EDEM2: variants seen among roughly 807,000 people sequenced by gnomAD.
EDEM2 encodes the protein ER degradation-enhancing alpha-mannosidase-like protein 2.
Under a neutral mutation model 64.8 loss-of-function variants are expected in EDEM2, and 39 were observed. The observed-to-expected ratio is 0.60, with a 90% confidence interval of 0.47 to 0.79. The LOEUF (loss-of-function observed/expected upper bound fraction) is 0.79. Among genes scored for constraint, EDEM2 ranks in the 30% least tolerant of loss-of-function variants. The probability of loss-of-function intolerance (pLI) is 0.00; values close to 1 mark genes in which losing one functional copy is unlikely to be tolerated. For missense variants in EDEM2, 609 were observed against 731.3 expected (o/e 0.83, Z 1.93); for synonymous variants, 296 against 291.5 (o/e 1.02, Z -0.16).
In EDEM2 at chr20:35,115,756, T is replaced by A; in HGVS notation, c.1414A>T (p.Ile472Phe). ...ATGGGGTGAGCTTCTGTGTTGAAGA[T>A]GTACCCCCCAGCCCCCAGGATGCAC... Reference protein sequence around the residue: ...GECILGAGGYIFNTEAHPIDP... With the variant: ...GECILGAGGYFFNTEAHPIDP... Residue 472 changes from isoleucine to phenylalanine, a missense_variant, in exon 11 of 11, where the codon ATC (isoleucine) becomes TTC (phenylalanine). Coordinates refer to ENST00000374492, the MANE Select transcript of EDEM2 (RefSeq NM_018217.3). 12 of 1,614,202 alleles carry A rather than the reference T, an allele frequency of 7.4e-6. No individual in the cohort carries two copies. The highest frequency in any genetic ancestry group is 9.3e-6 in the Non-Finnish European group (11 of 1,180,038).
chr20:35,120,136 TC>T (rs1219644696), intron 9 of EDEM2, among the ~76,000 whole-genome samples: 1 of 152,200 alleles, frequency 6.6e-6, no homozygotes. Flanking sequence ...CGATCTCCGC[TC>T]ACTGCAACTC....
intron 4 of EDEM2, among the ~76,000 whole-genome samples, chr20:35,139,549 C>G: frequency 6.6e-6 from 1 of 150,680 alleles, no homozygotes; most frequent in South Asian, 2.1e-4. Context: ...ACTCGGGAGG[C>G]TGAGGCAGGA....
At position 35,140,186 on chromosome 20, in the gene EDEM2, C is replaced by A. The variant is rs571691387; in HGVS notation, c.365-2181G>T. Among the ~76,000 whole-genome samples, 30 of 152,190 alleles carry A rather than the reference C, an allele frequency of 2.0e-4. 1 individual carries two copies. In the South Asian group the frequency reaches 4.1e-3, roughly 21 times the overall value. On this transcript the variant is annotated intron_variant, in intron 4 of 10. Coordinates refer to ENST00000374492, the MANE Select transcript of EDEM2 (RefSeq NM_018217.3). ...CTGAGACACGAAAAGAAAAAATAGT[C>A]AAAAAAGTGGTAAATAGGCCAGGCA...
chr20:35,131,592 C>T (rs767054045), intron 7 of EDEM2, 50 bp downstream of exon 7: 27 of 1,596,182 alleles, frequency 1.7e-5, no homozygotes, highest in South Asian at 5.5e-5. Flanking sequence ...ACAAATCACA[C>T]ATCAGCAAGA....
At chr20:35,130,276 C>T (rs1277770538) in intron 7 of EDEM2, among the ~76,000 whole-genome samples, 1 of 151,968 alleles carries the variant, frequency 6.6e-6, no homozygotes, top group Non-Finnish European at 1.5e-5. Context: ...CACCATGTTG[C>T]CCAGGCTGAT....
intron 2 of EDEM2, among the ~76,000 whole-genome samples, chr20:35,145,477 T>C (rs2085716662): frequency 1.3e-5 from 2 of 152,206 alleles, no homozygotes; most frequent in African/African-American, 4.8e-5. Context: ...CTATGAGTTA[T>C]CAAAAAGATT....
chr20:35,117,148 A>G (rs1270787479), intron 10 of EDEM2: 2 of 152,188 alleles, frequency 1.3e-5, no homozygotes, highest in African/African-American at 4.8e-5. Context: ...ACTCAGACCC[A>G]AAGTATCGAC....
At chr20:35,144,880 G>A (rs534367487) in intron 3 of EDEM2, 99 bp downstream of exon 3, 17 of 1,381,496 alleles carry the variant, frequency 1.2e-5, no homozygotes, top group Middle Eastern at 1.8e-4. Flanking sequence ...AAAAGGCCTA[G>A]GAGAGGAATT....
chr20:35,141,208 A>T (rs1264650614), intron 4 of EDEM2, among the ~76,000 whole-genome samples: 1 of 152,140 alleles, frequency 6.6e-6, no homozygotes, highest in African/African-American at 2.4e-5. Context: ...AATTACAGTA[A>T]ATGTAAATGG....
chr20:35,125,755 T>C (rs1157087430), intron 8 of EDEM2, among the ~76,000 whole-genome samples: 1 of 152,170 alleles, frequency 6.6e-6, no homozygotes, highest in Non-Finnish European at 1.5e-5. Flanking sequence ...CTTAAAACTT[T>C]TAAAAACGTA....
intron 2 of EDEM2, among the ~76,000 whole-genome samples, chr20:35,145,984 A>G (rs1164026496): frequency 6.7e-6 from 1 of 149,244 alleles, no homozygotes; most frequent in Non-Finnish European, 1.5e-5. Context: ...CCTGGGTAAC[A>G]AGAGCGAAAC....
In EDEM2 at chr20:35,147,145, A is replaced by C. The variant is rs1289153829; in HGVS notation, c.107+7T>G. 3.5e-5 allele frequency: 56 copies of C among 1,600,162 alleles called. No homozygotes were observed. Among genetic ancestry groups the C allele is most frequent in the Non-Finnish European group, 4.8e-5 (56 of 1,171,396 alleles). ...CCCCAACTGCGAAAGGGCGGGTCAC[A>C]GTTCACCTGTAGTGGGCGGGATCTG... On this transcript the variant is annotated splice_region_variant and intron_variant, in intron 1 of 10. Transcript: ENST00000374492.
intron 9 of EDEM2, among the ~76,000 whole-genome samples, chr20:35,119,704 GC>G (rs1034506554): frequency 2.6e-5 from 4 of 152,136 alleles, no homozygotes; most frequent in Admixed American, 6.5e-5. Flanking sequence ...GTTTTGTCTT[GC>G]CCAATTCTAT....
chr20:35,134,722 G>A lies in EDEM2; in HGVS notation c.702+16C>T, dbSNP rs968618997. The A allele has an allele frequency of 2.5e-6, 4 of 1,611,966 alleles. No homozygotes were observed. Among genetic ancestry groups the A allele is most frequent in the Middle Eastern group, 2.1e-4 (1 of 4,676 alleles). ...GTAAGCAGGGACTCAAACAGGAAGG[G>A]CAGCAGCGAACCTACCAGCCCGATA... is the stretch of plus-strand genomic sequence containing the variant. On this transcript the variant is annotated intron_variant, in intron 6 of 10. Coordinates refer to ENST00000374492, the MANE Select transcript of EDEM2 (RefSeq NM_018217.3).
rs780703211 is a variant in EDEM2, at chr20:35,115,416, A to C, written c.*17T>G. The stretch of plus-strand genomic sequence containing the variant: ...GTTTAGCCTCAAAAAAATAAAAATA[A>C]AAAAATTATCCAGTGGTTATGAGGA... On this transcript the variant is annotated 3_prime_UTR_variant, in exon 11 of 11. Coordinates refer to ENST00000374492, the MANE Select transcript of EDEM2 (RefSeq NM_018217.3). The C allele has an allele frequency of 7.6e-6, 12 of 1,586,418 alleles. No individual in the cohort carries two copies. The highest frequency in any genetic ancestry group is 1.0e-5 in the Non-Finnish European group (12 of 1,170,026).
chr20:35,123,112 ATG>A (rs1453409022), intron 9 of EDEM2, among the ~76,000 whole-genome samples: 1 of 152,134 alleles, frequency 6.6e-6, no homozygotes, highest in Non-Finnish European at 1.5e-5. Flanking sequence ...TGAGCTGCAA[ATG>A]GGGAGGTGGA....
At position 35,135,259 on chromosome 20, in the gene EDEM2, A is replaced by T. The variant is rs547712938; in HGVS notation, c.491-310T>A. On this transcript the variant is annotated intron_variant, in intron 5 of 10. Coordinates refer to ENST00000374492, the MANE Select transcript of EDEM2 (RefSeq NM_018217.3). ...TACCTATTTTTATTTATTTTACACT[A>T]CGCCTTCAAAGCCCAGGCAGGTAAC... 4.6e-5 allele frequency among the ~76,000 whole-genome samples: 7 copies of T among 152,250 alleles called. No homozygotes were observed. In the East Asian group the frequency reaches 1.4e-3, roughly 29 times the overall value.
At chr20:35,116,041 G>T (rs1338488119) in intron 10 of EDEM2, 108 bp from the exon 11 acceptor site, 1 of 1,235,092 alleles carries the variant, frequency 8.1e-7, no homozygotes, top group Non-Finnish European at 1.1e-6. Context: ...CTGAGGGCCT[G>T]TGAGCAAATC....
In EDEM2 at chr20:35,146,939, G is replaced by A; in HGVS notation, c.108-4C>T. On this transcript the variant is annotated splice_region_variant and splice_polypyrimidine_tract_variant and intron_variant, in intron 1 of 10. Coordinates refer to ENST00000374492, the MANE Select transcript of EDEM2 (RefSeq NM_018217.3). ...GAACATGGCCTTGACTCGCTCCCTG[G>A]GTGGGGGACGAGAAATCAGGCATGG... 6.2e-7 allele frequency: 1 copy of A among 1,612,174 alleles called. No homozygotes were observed. The highest frequency in any genetic ancestry group is 8.5e-7 in the Non-Finnish European group (1 of 1,179,132).
Sources: gnomAD v4.1 joint callset for allele counts (sites outside exome capture counted in the v4.1 genomes callset) on GRCh38, gnomAD v4.1.1 for gene constraint, MANE v1.5 for transcripts, NCBI Gene and HGNC (gene_info 2026-07-23, HGNC 2026-07-21) for gene names.